GRID1: variants seen among roughly 807,000 people sequenced by gnomAD.
GRID1 encodes glutamate ionotropic receptor delta type subunit 1, also known as glutamate receptor ionotropic, delta-1.
GRID1 carries 28 observed loss-of-function variants against 98.0 expected under a neutral mutation model. That is an observed-to-expected ratio of 0.29 (90% CI 0.21 to 0.39). The LOEUF (loss-of-function observed/expected upper bound fraction) is 0.39. Ranked by LOEUF, GRID1 falls within the 10% of genes least tolerant of loss-of-function variation. The probability of loss-of-function intolerance (pLI) is 1.00; values close to 1 mark genes in which losing one functional copy is unlikely to be tolerated. For missense variants in GRID1, 1,111 were observed against 1,340.5 expected, an observed-to-expected ratio of 0.83 and a Z score of 2.67; for synonymous variants, 553 against 538.5, an observed-to-expected ratio of 1.03 and a Z score of -0.37.
chr10:85,832,822 C>T (rs1842880344), intron 8 of GRID1, among the ~76,000 whole-genome samples: 1 of 152,122 alleles, frequency 6.6e-6, no homozygotes. Context: ...CCAGCCAGAC[C>T]AGACAAGCAA....
intron 4 of GRID1, among the ~76,000 whole-genome samples, chr10:86,024,296 A>G (rs1301303941): frequency 3.3e-5 from 5 of 152,172 alleles, no homozygotes; most frequent in Non-Finnish European, 7.3e-5. Flanking sequence ...CCATTTAAAC[A>G]CCTCAGAAGT....
chr10:86,362,999 G>T (rs1200587548), intron 2 of GRID1, among the ~76,000 whole-genome samples: 1 of 152,272 alleles, frequency 6.6e-6, no homozygotes, highest in Non-Finnish European at 1.5e-5. Context: ...TGGTTGCGGG[G>T]AGCAAGGCAG....
chr10:86,323,022 G>A (rs1847992759), intron 2 of GRID1, among the ~76,000 whole-genome samples: 1 of 152,096 alleles, frequency 6.6e-6, no homozygotes, highest in Non-Finnish European at 1.5e-5. Flanking sequence ...TTGAACCTGG[G>A]AGGTGCAGAA....
At chr10:86,309,634 C>A (rs1352469191) in intron 2 of GRID1, among the ~76,000 whole-genome samples, 8 of 152,164 alleles carry the variant, frequency 5.3e-5, no homozygotes, top group Non-Finnish European at 1.0e-4. Flanking sequence ...GAGATGGCAG[C>A]TTTTGTTCTC....
intron 2 of GRID1, among the ~76,000 whole-genome samples, chr10:86,341,368 G>A (rs1848307726): frequency 6.6e-6 from 1 of 152,160 alleles, no homozygotes; most frequent in Non-Finnish European, 1.5e-5. Context: ...GATGGGACTA[G>A]GATGAGGCCC....
intron 4 of GRID1, among the ~76,000 whole-genome samples, chr10:86,096,659 G>A (rs1028261750): frequency 6.6e-6 from 1 of 152,176 alleles, no homozygotes; most frequent in African/African-American, 2.4e-5. Flanking sequence ...GTGTGGCAGT[G>A]GGCTCATGCT....
chr10:86,339,685 T>C (rs538887475), intron 2 of GRID1, among the ~76,000 whole-genome samples: 7 of 152,220 alleles, frequency 4.6e-5, no homozygotes, highest in African/African-American at 1.7e-4. Context: ...GTGGGGAGGC[T>C]GGGAGTCAGC....
chr10:85,754,182 G>C (rs895839004), intron 8 of GRID1, among the ~76,000 whole-genome samples: 13 of 152,174 alleles, frequency 8.5e-5, no homozygotes, highest in African/African-American at 3.1e-4. Context: ...CAACAGATGG[G>C]GGGAGGGGAC....
At chr10:85,797,586 C>T (rs1333605403) in intron 8 of GRID1, among the ~76,000 whole-genome samples, 8 of 151,650 alleles carry the variant, frequency 5.3e-5, no homozygotes, top group Admixed American at 6.6e-5. Flanking sequence ...TATGCCACCA[C>T]ACCCACTGGG....
chr10:85,887,217 G>C (rs1373616317), intron 5 of GRID1, among the ~76,000 whole-genome samples: 1 of 152,198 alleles, frequency 6.6e-6, no homozygotes, highest in African/African-American at 2.4e-5. Flanking sequence ...GGCAGACCAA[G>C]GCTCCATGGA....
At chr10:86,361,587 C>T (rs1394536417) in intron 2 of GRID1, among the ~76,000 whole-genome samples, 1 of 152,188 alleles carries the variant, frequency 6.6e-6, no homozygotes, top group East Asian at 1.9e-4. Flanking sequence ...AGAAAAGGCC[C>T]CTGGGTGGAA....
intron 2 of GRID1, among the ~76,000 whole-genome samples, chr10:86,285,861 T>G (rs1025813079): frequency 6.6e-6 from 1 of 152,222 alleles, no homozygotes; most frequent in Non-Finnish European, 1.5e-5. Flanking sequence ...TCATCAACAT[T>G]GTAATGAAAA....
intron 4 of GRID1, among the ~76,000 whole-genome samples, chr10:86,121,306 C>T (rs909034395): frequency 6.6e-6 from 1 of 151,516 alleles, no homozygotes; most frequent in Non-Finnish European, 1.5e-5. Context: ...TCATCACCAC[C>T]ATCACCATCA....
chr10:85,766,770 G>GTGTGTGTGTGTT (rs1842202141), intron 8 of GRID1, among the ~76,000 whole-genome samples: 1 of 149,646 alleles, frequency 6.7e-6, no homozygotes, highest in East Asian at 1.9e-4. Context: ...GTGTGTGTGT[G>GTGTGTGTGTGTT]TATGATTTTG....
intron 2 of GRID1, among the ~76,000 whole-genome samples, chr10:86,218,554 G>C (rs1344921441): frequency 1.3e-5 from 2 of 152,166 alleles, no homozygotes; most frequent in African/African-American, 4.8e-5. Flanking sequence ...CAACCTCCAG[G>C]CTTCAGGATA....
intron 3 of GRID1, among the ~76,000 whole-genome samples, chr10:86,151,697 G>A (rs1344052762): frequency 6.6e-6 from 1 of 152,200 alleles, no homozygotes; most frequent in Non-Finnish European, 1.5e-5. Flanking sequence ...AGTTAACCTG[G>A]AAGCAACCTG....
intron 8 of GRID1, among the ~76,000 whole-genome samples, chr10:85,749,743 T>A (rs1842028816): frequency 6.6e-6 from 1 of 152,194 alleles, no homozygotes; most frequent in South Asian, 2.1e-4. Flanking sequence ...TATTCCCAGT[T>A]TAGAGCCTTT....
chr10:85,640,531 T>C (rs1469765363), intron 13 of GRID1, among the ~76,000 whole-genome samples: 1 of 152,146 alleles, frequency 6.6e-6, no homozygotes, highest in Non-Finnish European at 1.5e-5. Flanking sequence ...TACTTCTCAG[T>C]AGGAATTTCC....
At chr10:85,681,158 C>T (rs531185962) in intron 12 of GRID1, among the ~76,000 whole-genome samples, 18 of 152,036 alleles carry the variant, frequency 1.2e-4, no homozygotes, top group Non-Finnish European at 2.6e-4. Flanking sequence ...AAAGAAATCC[C>T]TAATCTCGTA....
Sources: gnomAD v4.1 joint callset for allele counts (sites outside exome capture counted in the v4.1 genomes callset) on GRCh38, gnomAD v4.1.1 for gene constraint, MANE v1.5 for transcripts, NCBI Gene and HGNC (gene_info 2026-07-23, HGNC 2026-07-21) for gene names.